The following TENM3 variants were observed in gnomAD, a reference collection of about 807,000 sequenced individuals.
TENM3 encodes teneurin transmembrane protein 3.
In TENM3, 63 loss-of-function variants were observed where a neutral mutation model predicts 255.1. The observed-to-expected ratio is 0.25, with a 90% CI of 0.20 to 0.30. The LOEUF is 0.30. Among genes scored for constraint, TENM3 ranks in the 10% least tolerant of loss-of-function variants. The pLI, the probability that TENM3 is intolerant of heterozygous loss-of-function variation, is 1.00. For missense variants in TENM3, 2,929 were observed against 3,461.1 expected (o/e 0.85, Z 3.86); for synonymous variants, 1,306 against 1,322.3 (o/e 0.99, Z 0.27).
the TENM3 span, among the ~76,000 whole-genome samples, chr4:181,880,306 G>A: frequency 1.3e-5 from 2 of 151,994 alleles, no homozygotes; most frequent in South Asian, 4.2e-4. Flanking sequence ...TAGATTAATT[G>A]ATAGGAAAAT....
the TENM3 span, among the ~76,000 whole-genome samples, chr4:181,712,965 G>A: frequency 6.6e-6 from 1 of 152,136 alleles, no homozygotes; most frequent in African/African-American, 2.4e-5. Context: ...CATCATAGGG[G>A]AAGCAAGTTC....
At position 182,327,181 on chromosome 4, in the gene TENM3, A is replaced by C. The variant is rs979292310; in HGVS notation, c.232+2929A>C. Among the ~76,000 whole-genome samples, 3 of 152,328 alleles carry C rather than the reference A, an allele frequency of 2.0e-5. No homozygotes were observed. The South Asian group carries it at 6.2e-4, about 32-fold the overall frequency. On this transcript the variant is annotated intron_variant, in intron 2 of 27. Coordinates refer to ENST00000511685, the MANE Select transcript of TENM3 (RefSeq NM_001080477.4). Reference sequence around the variant, plus strand: ...TCACGGACTATTATGCTATGGGATTAATTATTTAATTGAGAAAATGTGCTT... The same window carrying C: ...TCACGGACTATTATGCTATGGGATTCATTATTTAATTGAGAAAATGTGCTT...
At chr4:181,621,649 T>A in the TENM3 span, among the ~76,000 whole-genome samples, 1 of 152,196 alleles carries the variant, frequency 6.6e-6, no homozygotes, top group African/African-American at 2.4e-5. Flanking sequence ...ATATATTCTG[T>A]ATGTTGCCTC....
At chr4:182,138,904 A>G in the TENM3 span, among the ~76,000 whole-genome samples, 5 of 152,234 alleles carry the variant, frequency 3.3e-5, no homozygotes, top group African/African-American at 1.2e-4. Context: ...GTCCCATTAA[A>G]AACTTCATGG....
chr4:181,486,080 G>A, the TENM3 span, among the ~76,000 whole-genome samples: 2 of 151,778 alleles, frequency 1.3e-5, no homozygotes, highest in Admixed American at 6.6e-5. Context: ...AAAACATTTT[G>A]CAAAAATATC....
Position 182,799,945 on chromosome 4 carries a change from C to A in TENM3, c.7694C>A (p.Thr2565Asn). The A allele has an allele frequency of 2.5e-6, 4 of 1,594,488 alleles. No homozygotes were observed. The highest frequency in any genetic ancestry group is 3.4e-6 in the Non-Finnish European group (4 of 1,171,038). ...AGCGACCTGGGCACGCTGCGGTTGA[C>A]CAGCGGCCGCAAGGCGCTGGAGAAC... ...PESDLGTLRL[T>N]SGRKALENGI... The change falls in exon 28 of 28, where the codon ACC (threonine) becomes AAC (asparagine). Residue 2565 changes from threonine (T) to asparagine (N), a missense_variant. Thr to Asn is a moderately conservative substitution (Grantham distance 65, BLOSUM62 0). This residue lies in a region of TENM3 where 476 missense variants were observed against 480.1 expected (regional missense o/e 0.99). Coordinates refer to ENST00000511685, the MANE Select transcript of TENM3 (RefSeq NM_001080477.4). The surrounding 1 kb of genome is among the most constrained non-coding windows in gnomAD (Gnocchi z 4.2).
intron 2 of TENM3, among the ~76,000 whole-genome samples, chr4:182,342,714 A>T (rs777122549): frequency 7.2e-5 from 11 of 152,154 alleles, no homozygotes; most frequent in South Asian, 2.1e-4. Flanking sequence ...CCAAATCTAG[A>T]TATTAGAGAA....
At chr4:182,545,106 G>A (rs142897638) in intron 3 of TENM3, among the ~76,000 whole-genome samples, 4 of 152,162 alleles carry the variant, frequency 2.6e-5, no homozygotes, top group East Asian at 1.9e-4. Flanking sequence ...AAAAAAAGTC[G>A]TAGTTTTTAG....
chr4:181,876,094 A>G, the TENM3 span, among the ~76,000 whole-genome samples: 2 of 152,198 alleles, frequency 1.3e-5, no homozygotes, highest in African/African-American at 4.8e-5. Flanking sequence ...TATAAGACAA[A>G]TACTCTTGTT....
the TENM3 span, among the ~76,000 whole-genome samples, chr4:182,136,982 C>G: frequency 5.9e-5 from 9 of 152,222 alleles, no homozygotes; most frequent in East Asian, 1.2e-3. Flanking sequence ...GCATCCCCCC[C>G]CACCCAATAC....
At chr4:182,723,925 C>T (rs974224799) in intron 13 of TENM3, among the ~76,000 whole-genome samples, 2 of 152,146 alleles carry the variant, frequency 1.3e-5, no homozygotes, top group African/African-American at 4.8e-5. Flanking sequence ...AATAATTTCG[C>T]CAGCCACTGT....
intron 4 of TENM3, among the ~76,000 whole-genome samples, chr4:182,611,798 A>G (rs1749026896): frequency 6.6e-6 from 1 of 152,184 alleles, no homozygotes; most frequent in Non-Finnish European, 1.5e-5. Context: ...GGAGGGACAG[A>G]TTATTAATTT....
At chr4:182,111,592 A>C in the TENM3 span, among the ~76,000 whole-genome samples, 1 of 152,226 alleles carries the variant, frequency 6.6e-6, no homozygotes, top group African/African-American at 2.4e-5. Flanking sequence ...ACAGATGGAC[A>C]TGCTTCTATG....
At chr4:182,024,873 C>G in the TENM3 span, among the ~76,000 whole-genome samples, 7 of 152,068 alleles carry the variant, frequency 4.6e-5, no homozygotes, top group Non-Finnish European at 1.0e-4. Context: ...CTTCTACTCT[C>G]TATCTCCATA....
chr4:182,256,234 G>C (rs1306615822), intron 1 of TENM3, among the ~76,000 whole-genome samples: 1 of 152,178 alleles, frequency 6.6e-6, no homozygotes, highest in Non-Finnish European at 1.5e-5. Flanking sequence ...TTTGGACATA[G>C]CTATAAAGAA....
chr4:182,205,736 C>A (rs559665173), intron 1 of TENM3, among the ~76,000 whole-genome samples: 2 of 152,328 alleles, frequency 1.3e-5, no homozygotes, highest in Admixed American at 1.3e-4. Flanking sequence ...TTATTCTTCT[C>A]ACATTTGACT....
At chr4:182,243,067 T>G (rs1305895644), upstream of TENM3, among the ~76,000 whole-genome samples, 1 of 152,170 alleles carries the variant, frequency 6.6e-6, no homozygotes, top group Non-Finnish European at 1.5e-5. Context: ...TTTAGATGTA[T>G]TGGAGATGTG....
At chr4:182,186,170 G>A (rs1040623001) in intron 1 of TENM3, among the ~76,000 whole-genome samples, 1 of 152,138 alleles carries the variant, frequency 6.6e-6, no homozygotes, top group African/African-American at 2.4e-5. Flanking sequence ...GTTCCTATGT[G>A]TGTGCACACT....
chr4:181,552,955 C>A, the TENM3 span, among the ~76,000 whole-genome samples: 1 of 152,072 alleles, frequency 6.6e-6, no homozygotes, highest in Non-Finnish European at 1.5e-5. Flanking sequence ...ACACACACAC[C>A]ACACACACTT....
Sources: allele counts gnomAD v4.1 joint callset (sites outside exome capture counted in the v4.1 genomes callset), GRCh38; gene constraint gnomAD v4.1.1; regional missense constraint gnomAD v4.1.1; non-coding constraint Gnocchi (gnomAD v3.1); transcripts MANE v1.5; gene names NCBI Gene and HGNC (gene_info 2026-07-23, HGNC 2026-07-21).